Variants in SDHB observed in about 807,000 individuals in gnomAD.
SDHB encodes the protein succinate dehydrogenase complex iron sulfur subunit B.
A neutral mutation model predicts 39.7 loss-of-function variants in SDHB; 21 were observed. That is an observed-to-expected ratio of 0.53 (90% CI 0.37 to 0.76). The LOEUF is 0.76. Ranked by LOEUF, SDHB falls within the 30% of genes least tolerant of loss-of-function variation. The pLI is 0.00. For missense variants in SDHB, 343 were observed against 350.9 expected (o/e 0.98, Z 0.18); for synonymous variants, 118 against 117.0 (o/e 1.01, Z -0.06).
rs569047654 is a variant in SDHB at position 17,031,708 on chromosome 1, C to T, written c.286+1352G>A. On this transcript the variant is annotated intron_variant, in intron 3 of 7. Transcript: ENST00000375499. Reference sequence around the variant, plus strand: ...AGCTGAACAGATAAAAAGCCATGGGCCGGTATCAATACTGGCTTTTCCTTT... The same window carrying T: ...AGCTGAACAGATAAAAAGCCATGGGTCGGTATCAATACTGGCTTTTCCTTT... Among the ~76,000 whole-genome samples the T allele has an allele frequency of 2.0e-5, 3 of 152,186 alleles. No individual in the cohort carries two copies. The East Asian group carries it at 5.8e-4, about 29-fold the overall frequency.
At position 17,033,092 on chromosome 1, in the gene SDHB, G is replaced by C. The variant is rs1454196953; in HGVS notation, c.254C>G (p.Ser85Cys). ...ALIKIKNEVD[S>C]TLTFRRSCRE... is the part of the protein sequence containing the mutation. ...GCATGATCTTCGGAAGGTCAAAGTAGAGTCAACTTCATTCTTAATCTTGAT... is the reference window on the plus strand; with the variant it reads ...GCATGATCTTCGGAAGGTCAAAGTACAGTCAACTTCATTCTTAATCTTGAT... The change falls in exon 3 of 8, where the codon TCT becomes TGT. Residue 85 changes from serine to cysteine, a missense_variant. Ser to Cys is a moderately radical substitution (Grantham distance 112). Transcript: ENST00000375499. 1 of 1,614,012 alleles carries C rather than the reference G, an allele frequency of 6.2e-7. No homozygotes were observed. The highest frequency in any genetic ancestry group is 1.6e-4 in the Middle Eastern group (1 of 6,062).
intron 1 of SDHB, among the ~76,000 whole-genome samples, chr1:17,048,466 TG>T (rs763114233): frequency 2.2e-4 from 12 of 54,328 alleles, no homozygotes; most frequent in Non-Finnish European, 4.9e-4. Context: ...CAAATTTCTG[TG>T]TGAACGTTAC....
At chr1:17,052,620 C>G (rs1035819416) in intron 1 of SDHB, 2 of 152,272 alleles carry the variant, frequency 1.3e-5, no homozygotes, top group South Asian at 2.1e-4. Flanking sequence ...TATCAATCAT[C>G]AATTTAATAC....
At chr1:17,023,841 C>T (rs994354363) in intron 6 of SDHB, 132 bp downstream of exon 6, 2 of 721,796 alleles carry the variant, frequency 2.8e-6, no homozygotes, top group African/African-American at 3.5e-5. Context: ...AACCAATTAC[C>T]CTGTTTGGAC....
intron 7 of SDHB, among the ~76,000 whole-genome samples, chr1:17,021,483 G>A (rs555288933): frequency 9.9e-5 from 15 of 152,058 alleles, no homozygotes; most frequent in Non-Finnish European, 1.6e-4. Context: ...GGTGGCTCAC[G>A]CCTGTAATCC....
chr1:17,027,738 G>C lies in SDHB; in HGVS notation c.540+11C>G, dbSNP rs1160578491. On this transcript the variant is annotated intron_variant, in intron 5 of 7. Coordinates refer to ENST00000375499, the MANE Select transcript of SDHB (RefSeq NM_003000.3). The stretch of plus-strand genomic sequence containing the variant: ...TTCTTCAGATTGAAACAATAAATAG[G>C]GACTAATGACCAGTTTCTCACGCTC... 1.3e-5 allele frequency: 18 copies of C among 1,408,378 alleles called. No homozygotes were observed. Among genetic ancestry groups the C allele is most frequent in the Non-Finnish European group, 1.7e-5 (17 of 992,600 alleles). The allele number at this position is 1,408,378 out of a possible 1,614,324, so 87.2% of individuals were successfully genotyped here.
In SDHB at chr1:17,018,976, G is replaced by T; in HGVS notation, c.766-18C>A. The T allele has an allele frequency of 6.3e-7, 1 of 1,579,318 alleles. No individual in the cohort carries two copies. The highest frequency in any genetic ancestry group is 1.7e-5 in the Admixed American group (1 of 59,922). On this transcript the variant is annotated intron_variant, in intron 7 of 7. Coordinates refer to ENST00000375499, the MANE Select transcript of SDHB (RefSeq NM_003000.3). ...TTCAGACCCTTGAAAAAAGAGAAAA[G>T]AATCAATAACAAATGATAACTGAAA...
At chr1:17,030,930 C>T (rs1345637145) in intron 3 of SDHB, among the ~76,000 whole-genome samples, 4 of 150,744 alleles carry the variant, frequency 2.7e-5, no homozygotes, top group East Asian at 3.9e-4. Flanking sequence ...CTGCCCGCCT[C>T]GGCCTCTGAA....
intron 1 of SDHB, among the ~76,000 whole-genome samples, chr1:17,049,647 CTTTTTTTTTTTT>C (rs397835910): frequency 3.6e-4 from 19 of 52,064 alleles, no homozygotes; most frequent in African/African-American, 8.8e-4. Context: ...TCCCCTAGTT[CTTTTTTTTTTTT>C]TTTTTTTTTT....
chr1:17,026,584 C>G (rs907800953), intron 5 of SDHB, among the ~76,000 whole-genome samples: 1 of 151,930 alleles, frequency 6.6e-6, no homozygotes. Flanking sequence ...AGGCTGGTCT[C>G]GAACAACTGA....
At chr1:17,022,265 G>T (rs535166477) in intron 7 of SDHB, among the ~76,000 whole-genome samples, 19 of 152,338 alleles carry the variant, frequency 1.2e-4, no homozygotes, top group Admixed American at 9.8e-4. Flanking sequence ...GAGAAGAAAT[G>T]AAGTCCTCAC....
chr1:17,019,022 T>C, intron 7 of SDHB, 64 bp from the exon 8 acceptor site: 3 of 1,293,802 alleles, frequency 2.3e-6, no homozygotes, highest in East Asian at 4.6e-5. Flanking sequence ...AAACCCACAA[T>C]CTTGGGTGAA....
intron 2 of SDHB, among the ~76,000 whole-genome samples, chr1:17,038,867 CATGA>C (rs1255786898): frequency 6.6e-6 from 1 of 152,148 alleles, no homozygotes; most frequent in African/African-American, 2.4e-5. Context: ...TTTTAAAAAT[CATGA>C]ATGAGTGTTG....
intron 7 of SDHB, among the ~76,000 whole-genome samples, chr1:17,019,880 G>A (rs539042742): frequency 3.9e-5 from 6 of 152,214 alleles, no homozygotes; most frequent in East Asian, 1.9e-4. Context: ...CTACAGGTGC[G>A]TGCCACCACA....
chr1:17,034,880 A>G (rs2078042870), intron 2 of SDHB, among the ~76,000 whole-genome samples: 1 of 152,262 alleles, frequency 6.6e-6, no homozygotes, highest in Non-Finnish European at 1.5e-5. Flanking sequence ...TTTATTTCCC[A>G]ATTATTTATT....
intron 2 of SDHB, among the ~76,000 whole-genome samples, chr1:17,033,553 T>C (rs1258447971): frequency 2.6e-5 from 4 of 152,190 alleles, no homozygotes; most frequent in African/African-American, 9.7e-5. Flanking sequence ...AGAGAAGACA[T>C]AGTACAGAGA....
At position 17,018,948 on chromosome 1, in the gene SDHB, G is replaced by A; in HGVS notation, c.776C>T (p.Pro259Leu). ...CTTGATCTCTGCAATAGCTTTCCCT[G>A]GATTCAGACCCTTGAAAAAAGAGAA... is the stretch of plus-strand genomic sequence containing the variant. ...CTRTCPKGLN[P>L]GKAIAEIKKM... The change falls in exon 8 of 8, where the codon CCA (proline) becomes CTA (leucine). Residue 259 changes from proline to leucine, a missense_variant. By Grantham distance (98) the Pro-to-Leu change is moderately conservative (BLOSUM62 -3). Coordinates refer to ENST00000375499, the MANE Select transcript of SDHB (RefSeq NM_003000.3). 6.2e-7 allele frequency: 1 copy of A among 1,610,070 alleles called. No individual in the cohort carries two copies.
intron 7 of SDHB, among the ~76,000 whole-genome samples, chr1:17,020,655 T>G (rs1042513543): frequency 2.0e-5 from 3 of 152,220 alleles, no homozygotes; most frequent in African/African-American, 7.2e-5. Context: ...AGCCCAGTAC[T>G]CATGTTTTTT....
intron 3 of SDHB, chr1:17,032,624 G>C: frequency 3.7e-6 from 1 of 272,662 alleles, no homozygotes; most frequent in Non-Finnish European, 7.2e-6. Flanking sequence ...CACTGTACCA[G>C]CCAATCCAGA....
Sources: allele counts gnomAD v4.1 joint callset (sites outside exome capture counted in the v4.1 genomes callset), GRCh38; gene constraint gnomAD v4.1.1; transcripts MANE v1.5; gene names NCBI Gene and HGNC (gene_info 2026-07-23, HGNC 2026-07-21).